Variants in ME1 observed in about 807,000 individuals in gnomAD.
ME1 encodes the protein malic enzyme 1.
A neutral mutation model predicts 66.4 loss-of-function variants in ME1; 74 were observed. The ratio of observed to expected loss-of-function variants is 1.11; its 90% CI spans 0.92 to 1.35. The LOEUF (loss-of-function observed/expected upper bound fraction) is 1.35, where lower values mean the gene tolerates loss of function less well. Ranked by LOEUF, ME1 falls within the 40% of genes most tolerant of loss-of-function variation. The pLI is 0.00. For synonymous variants in ME1, 251 were observed against 235.6 expected (o/e 1.07, Z -0.60); for missense variants, 750 against 694.1 (o/e 1.08, Z -0.90).
At chr6:83,350,549 T>C (rs1043286108) in intron 4 of ME1, among the ~76,000 whole-genome samples, 2 of 152,136 alleles carry the variant, frequency 1.3e-5, no homozygotes, top group Non-Finnish European at 2.9e-5. Flanking sequence ...CATTGCAGAA[T>C]TGAACTCCTG....
At chr6:83,329,260 T>G (rs1227752344) in intron 5 of ME1, among the ~76,000 whole-genome samples, 2 of 152,214 alleles carry the variant, frequency 1.3e-5, no homozygotes, top group Non-Finnish European at 2.9e-5. Context: ...ATTAGCACCT[T>G]GATGTATATT....
chr6:83,387,117 TC>T (rs1393548012), intron 3 of ME1, among the ~76,000 whole-genome samples: 1 of 152,164 alleles, frequency 6.6e-6, no homozygotes, highest in East Asian at 1.9e-4. Flanking sequence ...CAACTTAGGC[TC>T]ATTTTACAAT....
intron 7 of ME1, among the ~76,000 whole-genome samples, chr6:83,241,183 C>T (rs866022453): frequency 6.6e-5 from 10 of 152,110 alleles, no homozygotes; most frequent in Non-Finnish European, 1.5e-4. Context: ...TAGATATCCA[C>T]TTACTAAATA....
intron 3 of ME1, among the ~76,000 whole-genome samples, chr6:83,354,412 G>C (rs943911852): frequency 6.6e-6 from 1 of 152,194 alleles, no homozygotes; most frequent in East Asian, 1.9e-4. Flanking sequence ...GATTATAGGC[G>C]TGAGCTACGG....
chr6:83,282,272 T>A (rs1265006947), intron 6 of ME1, among the ~76,000 whole-genome samples: 1 of 152,178 alleles, frequency 6.6e-6, no homozygotes, highest in Non-Finnish European at 1.5e-5. Flanking sequence ...TGAGATCTAA[T>A]TAAACTGAAG....
chr6:83,378,193 A>G (rs529299970), intron 3 of ME1, among the ~76,000 whole-genome samples: 1 of 146,742 alleles, frequency 6.8e-6, no homozygotes, highest in South Asian at 2.4e-4. Flanking sequence ...TAATTAATAC[A>G]ATGGGGGGGT....
intron 3 of ME1, among the ~76,000 whole-genome samples, chr6:83,377,802 A>C (rs1170040869): frequency 6.6e-6 from 1 of 152,152 alleles, no homozygotes; most frequent in African/African-American, 2.4e-5. Flanking sequence ...TTTTTAAAAA[A>C]CAAAGACTCA....
intron 1 of ME1, among the ~76,000 whole-genome samples, chr6:83,424,362 C>CT (rs1433873998): frequency 1.3e-5 from 2 of 151,562 alleles, no homozygotes; most frequent in Non-Finnish European, 2.9e-5. Context: ...GAAATATTGT[C>CT]AAAAACTCAC....
intron 6 of ME1, among the ~76,000 whole-genome samples, chr6:83,305,654 C>G (rs1048093126): frequency 4.3e-4 from 66 of 152,062 alleles, no homozygotes; most frequent in African/African-American, 1.5e-3. Flanking sequence ...AAGGGGGCCA[C>G]ATCAGGGCTT....
intron 6 of ME1, among the ~76,000 whole-genome samples, chr6:83,302,805 G>T (rs1479761705): frequency 6.6e-6 from 1 of 152,138 alleles, no homozygotes; most frequent in Non-Finnish European, 1.5e-5. Context: ...ATGGTGTAAA[G>T]GATACACGGA....
At chr6:83,341,025 G>T (rs931700449) in intron 5 of ME1, among the ~76,000 whole-genome samples, 1 of 151,928 alleles carries the variant, frequency 6.6e-6, no homozygotes, top group Non-Finnish European at 1.5e-5. Context: ...GAGAGTCACC[G>T]GGTGAACGCT....
At position 83,351,364 on chromosome 6, in the gene ME1, C is replaced by A. The variant is rs546365845; in HGVS notation, c.438+700G>T. Reference sequence around the variant, plus strand: ...TAAAAGATACCACAAAGTTGCTAGGCATTCAACAGAAAAGAAAGAGGGAAC... The same window carrying A: ...TAAAAGATACCACAAAGTTGCTAGGAATTCAACAGAAAAGAAAGAGGGAAC... On this transcript the variant is annotated intron_variant, in intron 4 of 13. Coordinates refer to ENST00000369705, the MANE Select transcript of ME1 (RefSeq NM_002395.6). 3.3e-5 allele frequency among the ~76,000 whole-genome samples: 5 copies of A among 152,250 alleles called. No homozygotes were observed. In the South Asian group the frequency reaches 6.2e-4, roughly 19 times the overall value.
chr6:83,396,908 T>C (rs1015011949), intron 3 of ME1, among the ~76,000 whole-genome samples: 3 of 152,148 alleles, frequency 2.0e-5, no homozygotes, highest in Non-Finnish European at 1.5e-5. Flanking sequence ...CTTCATTAAA[T>C]GGTGACGGGA....
At chr6:83,397,631 C>A (rs1392360698) in intron 3 of ME1, among the ~76,000 whole-genome samples, 1 of 151,938 alleles carries the variant, frequency 6.6e-6, no homozygotes, top group African/African-American at 2.4e-5. Flanking sequence ...GGGTACATAT[C>A]CAAAGGAAAT....
rs550930846 is a variant in ME1, at chr6:83,355,095, T to C, written c.363-2956A>G. Among the ~76,000 whole-genome samples, 7 of 152,350 alleles carry C rather than the reference T, an allele frequency of 4.6e-5. No individual in the cohort carries two copies. In the East Asian group the frequency reaches 1.3e-3, roughly 29 times the overall value. On this transcript the variant is annotated intron_variant, in intron 3 of 13. Transcript: ENST00000369705. ...GTTTCTCAAAATTGATTATAAGTTC[T>C]TTATAAGGTATATATTTCTTTTGGA...
At chr6:83,257,030 C>T (rs117847557) in intron 6 of ME1, among the ~76,000 whole-genome samples, 2,686 of 151,030 alleles carry the variant, frequency 0.018, 40 homozygotes, top group Admixed American at 0.028. Flanking sequence ...ATCATCACAC[C>T]GGGGCCTGTT....
intron 6 of ME1, among the ~76,000 whole-genome samples, chr6:83,255,281 TG>T (rs1331576937): frequency 2.0e-5 from 3 of 151,910 alleles, no homozygotes; most frequent in Admixed American, 6.6e-5. Flanking sequence ...TTGTTATAGT[TG>T]TTTTCTTTAT....
At chr6:83,417,615 G>C (rs1417041625) in intron 1 of ME1, among the ~76,000 whole-genome samples, 1 of 152,026 alleles carries the variant, frequency 6.6e-6, no homozygotes, top group Non-Finnish European at 1.5e-5. Context: ...TCTTGACCTT[G>C]TGATCCACCC....
intron 6 of ME1, among the ~76,000 whole-genome samples, chr6:83,290,341 T>C (rs2128534720): frequency 6.6e-6 from 1 of 152,326 alleles, no homozygotes; most frequent in Middle Eastern, 3.4e-3. Context: ...TTGTTCTAGT[T>C]GGTTTCAAAG....
Sources: allele counts gnomAD v4.1 joint callset (sites outside exome capture counted in the v4.1 genomes callset), GRCh38; gene constraint gnomAD v4.1.1; transcripts MANE v1.5; gene names NCBI Gene and HGNC (gene_info 2026-07-23, HGNC 2026-07-21).